Variants in ANKFN1 observed in about 807,000 individuals in gnomAD.
The protein encoded by ANKFN1 is ankyrin repeat and fibronectin type III domain containing 1, also known as ankyrin repeat and fibronectin type-III domain-containing protein 1.
A neutral mutation model predicts 108.7 loss-of-function variants in ANKFN1; 74 were observed. That is an observed-to-expected ratio of 0.68 (90% confidence interval 0.56 to 0.83). The LOEUF (loss-of-function observed/expected upper bound fraction) is 0.83. ANKFN1 is among the 40% of genes least tolerant of loss of function. ANKFN1 has a pLI of 0.00. For synonymous variants in ANKFN1, 547 were observed against 516.2 expected (o/e 1.06, Z -0.81); for missense variants, 1,505 against 1,382.3 (o/e 1.09, Z -1.41).
intron 8 of ANKFN1, among the ~76,000 whole-genome samples, chr17:56,421,645 A>AAGCTTT (rs1370361446): frequency 6.6e-6 from 1 of 152,216 alleles, no homozygotes; most frequent in Non-Finnish European, 1.5e-5. Context: ...CTCAGAAACC[A>AAGCTTT]AGCTTTAGAC....
chr17:56,103,192 C>T (rs763235502), intron 4 of ANKFN1, among the ~76,000 whole-genome samples: 1 of 152,080 alleles, frequency 6.6e-6, no homozygotes, highest in Non-Finnish European at 1.5e-5. Flanking sequence ...AGGTAATGAG[C>T]GACATGAAAA....
intron 6 of ANKFN1, among the ~76,000 whole-genome samples, chr17:56,366,052 G>T (rs1436557914): frequency 6.6e-6 from 1 of 152,218 alleles, no homozygotes; most frequent in Non-Finnish European, 1.5e-5. Context: ...AGAACTTCCA[G>T]TGGGATAAGA....
At chr17:56,187,351 G>T (rs1912321756) in intron 1 of ANKFN1, among the ~76,000 whole-genome samples, 1 of 152,252 alleles carries the variant, frequency 6.6e-6, no homozygotes, top group Admixed American at 6.5e-5. Flanking sequence ...ATCATCACTG[G>T]CCATCAGAGA....
rs115996361 is a variant in ANKFN1, at chr17:56,402,203, T to C, written c.910+27489T>C. The stretch of plus-strand genomic sequence containing the variant: ...GTTTGGGTATTAGAGTGATGCTGGC[T>C]TCATAGAATGAATTGGGGAGAGTTC... On this transcript the variant is annotated intron_variant, in intron 8 of 20. Transcript: ENST00000682825. Among the ~76,000 whole-genome samples, 1,339 of 152,234 alleles carry C rather than the reference T, an allele frequency of 8.8e-3. 20 individuals are homozygous for C. Among genetic ancestry groups the C allele is most frequent in the African/African-American group, 0.03 (1,231 of 41,558 alleles).
intron 4 of ANKFN1, among the ~76,000 whole-genome samples, chr17:56,141,406 G>T (rs929787535): frequency 6.6e-6 from 1 of 152,184 alleles, no homozygotes; most frequent in Non-Finnish European, 1.5e-5. Context: ...GAAAGGGCAT[G>T]TGCCTGACAT....
intron 19 of ANKFN1, among the ~76,000 whole-genome samples, chr17:56,492,814 A>T (rs1369709117): frequency 6.6e-6 from 1 of 152,188 alleles, no homozygotes; most frequent in Non-Finnish European, 1.5e-5. Flanking sequence ...TCTTTCTCAC[A>T]GAATTGACAC....
At chr17:56,069,545 C>T (rs1444326073) in intron 4 of ANKFN1, among the ~76,000 whole-genome samples, 2 of 152,168 alleles carry the variant, frequency 1.3e-5, no homozygotes, top group Non-Finnish European at 2.9e-5. Context: ...GCTCCCTCTA[C>T]TAGGTCAATT....
At chr17:56,465,023 A>C (rs1031732444) in intron 14 of ANKFN1, among the ~76,000 whole-genome samples, 4 of 152,210 alleles carry the variant, frequency 2.6e-5, no homozygotes, top group Non-Finnish European at 4.4e-5. Context: ...GGTAGTTTGA[A>C]ATCCCACTAC....
intron 3 of ANKFN1, among the ~76,000 whole-genome samples, chr17:56,317,391 C>T (rs1167409558): frequency 2.6e-5 from 4 of 152,180 alleles, no homozygotes; most frequent in Non-Finnish European, 1.5e-5. Context: ...GTAAATCCCA[C>T]CCACGTAGTT....
At chr17:56,293,788 T>G (rs923516633) in intron 3 of ANKFN1, among the ~76,000 whole-genome samples, 1 of 152,218 alleles carries the variant, frequency 6.6e-6, no homozygotes, top group Non-Finnish European at 1.5e-5. Flanking sequence ...CATGAATGAC[T>G]AAGTATTAGG....
chr17:56,089,092 TG>T (rs1422587034), intron 4 of ANKFN1, among the ~76,000 whole-genome samples: 1 of 151,392 alleles, frequency 6.6e-6, no homozygotes, highest in African/African-American at 2.4e-5. Flanking sequence ...TATGAACATA[TG>T]TGGAGGAGAG....
At chr17:56,163,568 T>C (rs1909877611) in intron 1 of ANKFN1, among the ~76,000 whole-genome samples, 1 of 152,210 alleles carries the variant, frequency 6.6e-6, no homozygotes, top group Admixed American at 6.5e-5. Flanking sequence ...CATACCTATG[T>C]TTCCTTGGAA....
chr17:56,064,847 G>A (rs1003472757), intron 4 of ANKFN1, among the ~76,000 whole-genome samples: 1 of 152,190 alleles, frequency 6.6e-6, no homozygotes, highest in Non-Finnish European at 1.5e-5. Flanking sequence ...CTAGGCCCCG[G>A]TGGTGTGGAT....
intron 1 of ANKFN1, among the ~76,000 whole-genome samples, chr17:56,193,832 G>T (rs922334662): frequency 6.6e-6 from 1 of 152,142 alleles, no homozygotes; most frequent in Non-Finnish European, 1.5e-5. Context: ...TCAAAAGAAT[G>T]AAAAGACAAG....
intron 16 of ANKFN1, among the ~76,000 whole-genome samples, chr17:56,478,435 C>T (rs1448780983): frequency 6.6e-6 from 1 of 152,178 alleles, no homozygotes; most frequent in Non-Finnish European, 1.5e-5. Flanking sequence ...CTCATTCTCC[C>T]TAACTCTAAC....
chr17:56,508,651 A>T (rs1331811204), intron 20 of ANKFN1, among the ~76,000 whole-genome samples: 1 of 150,776 alleles, frequency 6.6e-6, no homozygotes, highest in African/African-American at 2.5e-5. Context: ...GAGGGAGAAA[A>T]ATAAATGAAA....
At chr17:56,319,354 G>C (rs2045298678) in intron 3 of ANKFN1, among the ~76,000 whole-genome samples, 1 of 152,136 alleles carries the variant, frequency 6.6e-6, no homozygotes, top group Admixed American at 6.6e-5. Context: ...TCAAATCCTA[G>C]AGTATTAACT....
At chr17:56,420,988 G>A (rs545032535) in intron 8 of ANKFN1, among the ~76,000 whole-genome samples, 11 of 152,224 alleles carry the variant, frequency 7.2e-5, no homozygotes, top group African/African-American at 2.4e-4. Context: ...GATTACAGGC[G>A]TGAGCCACTG....
At chr17:56,065,476 G>A (rs1905045387) in intron 4 of ANKFN1, among the ~76,000 whole-genome samples, 2 of 151,990 alleles carry the variant, frequency 1.3e-5, no homozygotes, top group South Asian at 4.2e-4. Flanking sequence ...CTTAGCTTTT[G>A]GCCTATCTCA....
Sources: gnomAD v4.1 joint callset for allele counts (sites outside exome capture counted in the v4.1 genomes callset) on GRCh38, gnomAD v4.1.1 for gene constraint, MANE v1.5 for transcripts, NCBI Gene and HGNC (gene_info 2026-07-23, HGNC 2026-07-21) for gene names.